CEP128: variants seen among roughly 807,000 people sequenced by gnomAD.
CEP128 encodes centrosomal protein 128.
In CEP128, 132 loss-of-function variants were observed where a neutral mutation model predicts 156.7. The ratio of observed to expected loss-of-function variants is 0.84; its 90% CI spans 0.73 to 0.97. The LOEUF is 0.97. CEP128 is among the 50% of genes least tolerant of loss of function. CEP128 has a pLI of 0.00. For missense variants in CEP128, 1,252 were observed against 1,281.9 expected, an observed-to-expected ratio of 0.98 and a Z score of 0.36; for synonymous variants, 469 against 448.9, an observed-to-expected ratio of 1.04 and a Z score of -0.57.
chr14:80,785,673 G>A (rs941355499), intron 14 of CEP128, 128 bp from the exon 15 acceptor site: 1 of 686,934 alleles, frequency 1.5e-6, no homozygotes, highest in African/African-American at 1.8e-5. Context: ...AATAATTTTT[G>A]TATTTTTCCC....
intron 4 of CEP128, among the ~76,000 whole-genome samples, chr14:80,908,165 T>A (rs1883998318): frequency 6.6e-6 from 1 of 152,194 alleles, no homozygotes; most frequent in South Asian, 2.1e-4. Flanking sequence ...TGTACAGTTT[T>A]ATTTGTATTT....
intron 17 of CEP128, among the ~76,000 whole-genome samples, chr14:80,759,712 C>G (rs1899856528): frequency 6.6e-6 from 1 of 152,060 alleles, no homozygotes; most frequent in African/African-American, 2.4e-5. Flanking sequence ...AGTGTAAAAC[C>G]CATTACCACA....
intron 23 of CEP128, 124 bp downstream of exon 23, chr14:80,526,745 A>T: frequency 1.9e-6 from 1 of 540,464 alleles, no homozygotes; most frequent in Non-Finnish European, 3.3e-6. Flanking sequence ...TCTATTTAAT[A>T]TATCAAGGAA....
intron 19 of CEP128, among the ~76,000 whole-genome samples, chr14:80,622,331 G>A (rs1312284094): frequency 6.6e-6 from 1 of 151,730 alleles, no homozygotes; most frequent in African/African-American, 2.4e-5. Flanking sequence ...AGACTTAAAC[G>A]TTAGACCTAA....
At chr14:80,673,315 T>C (rs1369252086) in intron 19 of CEP128, among the ~76,000 whole-genome samples, 2 of 152,150 alleles carry the variant, frequency 1.3e-5, no homozygotes, top group Non-Finnish European at 2.9e-5. Flanking sequence ...TCAGTAAAAC[T>C]ATTGTTTCAT....
intron 2 of CEP128, among the ~76,000 whole-genome samples, chr14:80,947,400 T>A (rs1886371288): frequency 6.6e-6 from 1 of 152,178 alleles, no homozygotes; most frequent in South Asian, 2.1e-4. Context: ...AAGCATTTTC[T>A]TCCTGGATTT....
At chr14:80,955,801 T>C (rs1410738370) in intron 2 of CEP128, 2 of 1,614,214 alleles carry the variant, frequency 1.2e-6, no homozygotes, top group East Asian at 2.2e-5. Flanking sequence ...CAGAGTCACC[T>C]GCAAGGATAT....
At chr14:80,486,581 G>A (rs902194948), downstream of CEP128, among the ~76,000 whole-genome samples, 5 of 152,086 alleles carry the variant, frequency 3.3e-5, no homozygotes, top group Admixed American at 2.0e-4. Context: ...ATTCACCAAA[G>A]TTGAAATGAA....
At chr14:80,736,683 T>C (rs974622243) in intron 19 of CEP128, among the ~76,000 whole-genome samples, 3 of 152,128 alleles carry the variant, frequency 2.0e-5, no homozygotes, top group African/African-American at 4.8e-5. Context: ...GTTCATCCAA[T>C]AGAAGTGTTA....
At chr14:80,572,558 G>T (rs1891187176) in intron 20 of CEP128, among the ~76,000 whole-genome samples, 1 of 152,160 alleles carries the variant, frequency 6.6e-6, no homozygotes, top group African/African-American at 2.4e-5. Flanking sequence ...ATATTAAGGG[G>T]AATGATCTTG....
intron 19 of CEP128, among the ~76,000 whole-genome samples, chr14:80,729,168 A>G (rs1595299367): frequency 7.8e-6 from 1 of 127,862 alleles, no homozygotes; most frequent in South Asian, 2.7e-4. Context: ...CCCCCCTCCC[A>G]TGCTTCCCCC....
intron 21 of CEP128, among the ~76,000 whole-genome samples, chr14:80,550,545 G>A (rs753779288): frequency 3.3e-5 from 5 of 151,594 alleles, no homozygotes; most frequent in African/African-American, 7.3e-5. Flanking sequence ...TATGACCCTC[G>A]TTAAAAGACA....
chr14:80,613,386 T>C (rs1893083358), intron 19 of CEP128, among the ~76,000 whole-genome samples: 1 of 126,420 alleles, frequency 7.9e-6, no homozygotes. Flanking sequence ...CACTGCAAGC[T>C]CCACCTCCTG....
chr14:80,793,530 C>G (rs1901828364), intron 13 of CEP128, among the ~76,000 whole-genome samples: 1 of 151,926 alleles, frequency 6.6e-6, no homozygotes, highest in Non-Finnish European at 1.5e-5. Context: ...CTTCTGGCAG[C>G]AAAACAGAAT....
chr14:80,502,789 C>G (rs554338023), intron 24 of CEP128, among the ~76,000 whole-genome samples: 1 of 152,038 alleles, frequency 6.6e-6, no homozygotes, highest in South Asian at 2.1e-4. Flanking sequence ...CTCATCTCTT[C>G]TTTTTAATTC....
rs766868311 is a variant in CEP128, at chr14:80,862,765, G to A, written c.754C>T (p.Leu252=). ...AAGTGTTTTTCACAAACCTCCTGTA[G>A]CTGCAGGGACATGAGTCCCAGTTGA... ...QDQLGLMSLQ[L]QEALKKQEAK... is the part of the protein sequence containing the mutation. Residue 252 remains leucine, a synonymous_variant, in exon 9 of 25, where the codon CTA becomes TTA. Transcript: ENST00000555265. 13 of 1,602,218 alleles carry A rather than the reference G, an allele frequency of 8.1e-6. No individual in the cohort carries two copies. In the Admixed American group the frequency reaches 2.0e-4, roughly 25 times the overall value.
chr14:80,647,239 G>T (rs1894703154), intron 19 of CEP128, among the ~76,000 whole-genome samples: 1 of 150,846 alleles, frequency 6.6e-6, no homozygotes, highest in African/African-American at 2.4e-5. Context: ...AAAAATTCCT[G>T]TGCCTAAGTT....
chr14:80,786,542 G>A (rs1164483661), intron 14 of CEP128, among the ~76,000 whole-genome samples: 6 of 152,154 alleles, frequency 3.9e-5, no homozygotes, highest in African/African-American at 1.4e-4. Context: ...CTGAAAGAAA[G>A]AAAGAGCACA....
chr14:80,829,006 A>G (rs8006507), intron 13 of CEP128, among the ~76,000 whole-genome samples: 49,176 of 152,144 alleles, frequency 0.32, 8,850 homozygotes, highest in Non-Finnish European at 0.4. Flanking sequence ...AGAGGTTACA[A>G]TCGAGTAATC....
Sources: gnomAD v4.1 joint callset for allele counts (sites outside exome capture counted in the v4.1 genomes callset) on GRCh38, gnomAD v4.1.1 for gene constraint, MANE v1.5 for transcripts, NCBI Gene and HGNC (gene_info 2026-07-23, HGNC 2026-07-21) for gene names.